Variants in GPR158 observed in about 807,000 individuals in gnomAD.
GPR158 encodes G protein-coupled receptor 158, also known as metabotropic glycine receptor.
Under a neutral mutation model 78.2 loss-of-function variants are expected in GPR158, and 30 were observed. The observed-to-expected ratio is 0.38, with a 90% CI of 0.29 to 0.52. The LOEUF is 0.52. GPR158 is among the 20% of genes least tolerant of loss of function. The probability of loss-of-function intolerance (pLI) is 0.83; values close to 1 mark genes in which losing one functional copy is unlikely to be tolerated. For synonymous variants in GPR158, 581 were observed against 591.1 expected, an observed-to-expected ratio of 0.98 and a Z score of 0.25; for missense variants, 1,463 against 1,523.5, an observed-to-expected ratio of 0.96 and a Z score of 0.66.
chr10:25,536,481 G>C (rs1259309902), intron 5 of GPR158, among the ~76,000 whole-genome samples: 2 of 152,112 alleles, frequency 1.3e-5, no homozygotes, highest in African/African-American at 4.8e-5. Flanking sequence ...AAAGTCTCCA[G>C]TTTCTAATGG....
At chr10:25,386,585 G>A (rs1834225246) in intron 2 of GPR158, among the ~76,000 whole-genome samples, 1 of 99,936 alleles carries the variant, frequency 1.0e-5, no homozygotes, top group Non-Finnish European at 2.5e-5. Flanking sequence ...ATGAACACTG[G>A]ATGTCACTGT....
rs867665958 is a variant in GPR158, at chr10:25,598,958, A to G, written c.3332A>G (p.Asn1111Ser). Residue 1111 changes from asparagine (N) to serine (S), a missense_variant, in exon 11 of 11, where the codon AAT (asparagine) becomes AGT (serine). Asn to Ser is a conservative substitution (Grantham distance 46). Coordinates refer to ENST00000376351, the MANE Select transcript of GPR158 (RefSeq NM_020752.3). Reference sequence around the variant, plus strand: ...AACGGAGGTCAGCCTCGTGCAGCCAATGTGTGTGCTGGGCAGAGCGAAGAA... The same window carrying G: ...AACGGAGGTCAGCCTCGTGCAGCCAGTGTGTGTGCTGGGCAGAGCGAAGAA... ...EENGGQPRAA[N>S]VCAGQSEELP... 4 of 1,613,798 alleles carry G rather than the reference A, an allele frequency of 2.5e-6. No individual in the cohort carries two copies. In the African/African-American group the frequency reaches 4.0e-5, roughly 16 times the overall value.
At position 25,599,070 on chromosome 10, in the gene GPR158, G is replaced by A. The variant is rs199918094; in HGVS notation, c.3444G>A (p.Glu1148=). ...GHQEKKTSSS[E]ENVRGSYNSS... ...AGGAAAAAAAGACATCTTCTTCTGA[G>A]GAGAATGTGCGTGGCTCCTATAACT... Residue 1148 remains glutamate, a synonymous_variant, in exon 11 of 11, where the codon GAG becomes GAA. Transcript: ENST00000376351. 20 of 1,613,726 alleles carry A rather than the reference G, an allele frequency of 1.2e-5. No individual in the cohort carries two copies. Among genetic ancestry groups the A allele is most frequent in the South Asian group, 4.4e-5 (4 of 91,070 alleles).
intron 5 of GPR158, among the ~76,000 whole-genome samples, chr10:25,549,330 G>C (rs184493237): frequency 2.9e-4 from 44 of 152,116 alleles, no homozygotes; most frequent in African/African-American, 1.0e-3. Flanking sequence ...AATAAAACTT[G>C]CTTTGCAGAA....
At chr10:25,241,183 TTCTTTCC>T (rs1230638088) in intron 2 of GPR158, among the ~76,000 whole-genome samples, 12 of 114,748 alleles carry the variant, frequency 1.0e-4, no homozygotes, top group Middle Eastern at 4.1e-3. Flanking sequence ...CTTTCTTTCT[TTCTTTCC>T]TTTCTTTCTT....
chr10:25,556,218 ATGCCTC>A (rs1836784386), intron 6 of GPR158, among the ~76,000 whole-genome samples: 1 of 152,086 alleles, frequency 6.6e-6, no homozygotes, highest in South Asian at 2.1e-4. Flanking sequence ...CAAAATATAA[ATGCCTC>A]TGGAATCCAG....
chr10:25,315,501 T>G (rs1430787735), intron 2 of GPR158, among the ~76,000 whole-genome samples: 3 of 152,196 alleles, frequency 2.0e-5, no homozygotes, highest in Non-Finnish European at 4.4e-5. Flanking sequence ...TTTTTGATTA[T>G]TTAGCATGTA....
At chr10:25,243,546 G>T (rs1853652697) in intron 2 of GPR158, among the ~76,000 whole-genome samples, 1 of 152,094 alleles carries the variant, frequency 6.6e-6, no homozygotes. Context: ...TGACTTTCAA[G>T]CATTTTTCCA....
intron 5 of GPR158, among the ~76,000 whole-genome samples, chr10:25,525,842 C>T (rs1324119150): frequency 6.6e-6 from 1 of 152,116 alleles, no homozygotes; most frequent in East Asian, 1.9e-4. Context: ...CACGGTGGCT[C>T]TCTTCTGTAA....
At chr10:25,503,354 G>GA (rs1335973352) in intron 5 of GPR158, among the ~76,000 whole-genome samples, 2 of 131,588 alleles carry the variant, frequency 1.5e-5, no homozygotes, top group African/African-American at 5.2e-5. Context: ...TCCTATCTGG[G>GA]ACAAAAAAAT....
At chr10:25,328,114 T>C (rs1395999861) in intron 2 of GPR158, among the ~76,000 whole-genome samples, 1 of 152,166 alleles carries the variant, frequency 6.6e-6, no homozygotes, top group Non-Finnish European at 1.5e-5. Context: ...GTGAGTTAAT[T>C]TACTTGGAAT....
At chr10:25,347,033 T>C (rs67779449) in intron 2 of GPR158, among the ~76,000 whole-genome samples, 6,463 of 151,992 alleles carry the variant, frequency 0.043, 143 homozygotes, top group African/African-American at 0.053. Context: ...TGGGATTGCA[T>C]TGAGGATTAA....
intron 3 of GPR158, among the ~76,000 whole-genome samples, chr10:25,400,038 A>T (rs1834419342): frequency 6.6e-6 from 1 of 152,222 alleles, no homozygotes; most frequent in African/African-American, 2.4e-5. Context: ...ATAATTGAAT[A>T]CACATACACA....
intron 5 of GPR158, among the ~76,000 whole-genome samples, chr10:25,540,455 G>A (rs1274217160): frequency 6.6e-6 from 1 of 152,138 alleles, no homozygotes; most frequent in Non-Finnish European, 1.5e-5. Context: ...TACACCCAAA[G>A]GATTATAAAT....
chr10:25,320,713 T>TG (rs1564421579), intron 2 of GPR158, among the ~76,000 whole-genome samples: 2 of 152,246 alleles, frequency 1.3e-5, no homozygotes, highest in African/African-American at 2.4e-5. Context: ...ATTATTGAAC[T>TG]GTCATTTTTG....
At chr10:25,388,765 AC>A (rs1348869294) in intron 2 of GPR158, among the ~76,000 whole-genome samples, 1 of 152,110 alleles carries the variant, frequency 6.6e-6, no homozygotes, top group Non-Finnish European at 1.5e-5. Flanking sequence ...GTGGCTGCAG[AC>A]CCAGGCATTT....
At chr10:25,516,430 C>T (rs894218787) in intron 5 of GPR158, among the ~76,000 whole-genome samples, 94 of 152,108 alleles carry the variant, frequency 6.2e-4, no homozygotes, top group African/African-American at 2.0e-3. Flanking sequence ...GTGTTTTGGA[C>T]GTGAAGTCCT....
At chr10:25,318,363 A>G (rs1407615056) in intron 2 of GPR158, among the ~76,000 whole-genome samples, 1 of 151,544 alleles carries the variant, frequency 6.6e-6, no homozygotes, top group Admixed American at 6.6e-5. Context: ...GTGCAATTTT[A>G]GGTCATTTCC....
At chr10:25,491,631 T>C (rs1425022151) in intron 5 of GPR158, among the ~76,000 whole-genome samples, 1 of 152,208 alleles carries the variant, frequency 6.6e-6, no homozygotes, top group Non-Finnish European at 1.5e-5. Flanking sequence ...ATGTAATTCT[T>C]GATGGGTTTT....
Sources: allele counts gnomAD v4.1 joint callset (sites outside exome capture counted in the v4.1 genomes callset), GRCh38; gene constraint gnomAD v4.1.1; transcripts MANE v1.5; gene names NCBI Gene and HGNC (gene_info 2026-07-23, HGNC 2026-07-21).